The following ADAM22 variants were observed in gnomAD, a reference collection of about 807,000 sequenced individuals.
ADAM22 encodes the protein disintegrin and metalloproteinase domain-containing protein 22.
ADAM22 carries 65 observed loss-of-function variants against 144.6 expected under a neutral mutation model. The observed-to-expected ratio is 0.45, with a 90% CI of 0.37 to 0.55. The LOEUF (loss-of-function observed/expected upper bound fraction) is 0.55, where lower values mean the gene tolerates loss of function less well. ADAM22 is among the 20% of genes least tolerant of loss of function. ADAM22 has a pLI of 0.00. For synonymous variants in ADAM22, 391 were observed against 412.6 expected, an observed-to-expected ratio of 0.95 and a Z score of 0.63; for missense variants, 974 against 1,184.9, an observed-to-expected ratio of 0.82 and a Z score of 2.61.
At chr7:88,054,355 T>C (rs959373513) in intron 3 of ADAM22, among the ~76,000 whole-genome samples, 1 of 152,142 alleles carries the variant, frequency 6.6e-6, no homozygotes, top group Non-Finnish European at 1.5e-5. Context: ...GGCTTCCCCG[T>C]AGGGCCCTGA....
intron 14 of ADAM22, among the ~76,000 whole-genome samples, chr7:88,139,973 C>T (rs1196154304): frequency 6.6e-6 from 1 of 152,132 alleles, no homozygotes; most frequent in East Asian, 1.9e-4. Flanking sequence ...GTTCTGCAGG[C>T]TGTACAAGCA....
chr7:88,095,742 C>T (rs1052642192), intron 4 of ADAM22, among the ~76,000 whole-genome samples: 2 of 152,124 alleles, frequency 1.3e-5, no homozygotes, highest in Non-Finnish European at 2.9e-5. Flanking sequence ...CAACAGACAT[C>T]CACGTGTAGA....
At position 88,149,046 on chromosome 7, in the gene ADAM22, A is replaced by C. The variant is rs1379297769; in HGVS notation, c.1555A>C (p.Asn519His). The C allele has an allele frequency of 6.2e-7, 1 of 1,611,984 alleles. No individual in the cohort carries two copies. The highest frequency in any genetic ancestry group is 8.5e-7 in the Non-Finnish European group (1 of 1,178,566). The part of the protein sequence containing the change: ...DCDIRETCSG[N>H]SSQCAPNIHK... Reference sequence around the variant, plus strand: ...TGATATTCGTGAAACGTGCTCAGGAAATTCAAGCCAGGTAATTTACAAAAT... The same window carrying C: ...TGATATTCGTGAAACGTGCTCAGGACATTCAAGCCAGGTAATTTACAAAAT... Residue 519 changes from asparagine to histidine, a missense_variant, in exon 18 of 32, where the codon AAT becomes CAT. By Grantham distance (68) the Asn-to-His change is moderately conservative (BLOSUM62 1). Coordinates refer to ENST00000413139, the MANE Select transcript of ADAM22 (RefSeq NM_001324418.2).
intron 2 of ADAM22, among the ~76,000 whole-genome samples, chr7:87,971,203 G>C (rs1052707941): frequency 1.3e-5 from 2 of 152,018 alleles, no homozygotes; most frequent in East Asian, 3.8e-4. Flanking sequence ...TGTTTTTTAT[G>C]TTTTGATTTT....
At chr7:88,164,221 A>G (rs909524007) in intron 23 of ADAM22, among the ~76,000 whole-genome samples, 4 of 152,118 alleles carry the variant, frequency 2.6e-5, no homozygotes, top group East Asian at 1.9e-4. Context: ...TTGATCATCC[A>G]TGCTAATGAA....
rs750214670 is a variant in ADAM22, at chr7:88,132,895, G to A, written c.1021G>A (p.Gly341Arg). The A allele has an allele frequency of 5.6e-6, 9 of 1,613,780 alleles. No homozygotes were observed. The highest frequency in any genetic ancestry group is 2.7e-5 in the African/African-American group (2 of 74,884). ...SGSQFESSRS[G>R]AAYIGGICSL... ...AAGTCAATTTGAGAGTAGCCGGAGC[G>A]GGGCAGCTTATATTGGTGGGATTTG... Residue 341 changes from glycine to arginine, a missense_variant, in exon 12 of 32, where the codon GGG becomes AGG. By Grantham distance (125) the Gly-to-Arg change is moderately radical. Coordinates refer to ENST00000413139, the MANE Select transcript of ADAM22 (RefSeq NM_001324418.2).
chr7:88,025,578 T>C (rs1053283099), intron 3 of ADAM22, among the ~76,000 whole-genome samples: 2 of 152,230 alleles, frequency 1.3e-5, no homozygotes, highest in Non-Finnish European at 2.9e-5. Flanking sequence ...GTTTCATTCC[T>C]CTATATGGAT....
chr7:88,152,781 C>T (rs965109855), intron 20 of ADAM22, among the ~76,000 whole-genome samples: 3 of 151,918 alleles, frequency 2.0e-5, no homozygotes, highest in Non-Finnish European at 2.9e-5. Flanking sequence ...CGGGTTCAAG[C>T]GATTTCCCTG....
chr7:88,186,810 G>A, intron 30 of ADAM22, 109 bp downstream of exon 30: 2 of 674,528 alleles, frequency 3.0e-6, no homozygotes, highest in Non-Finnish European at 2.5e-6. Context: ...GTTCCTATAG[G>A]TGGAAAGGGG....
intron 27 of ADAM22, among the ~76,000 whole-genome samples, chr7:88,179,855 A>ATATTTTTAAATAAAT (rs1846551890): frequency 6.6e-6 from 1 of 152,096 alleles, no homozygotes; most frequent in Non-Finnish European, 1.5e-5. Context: ...TTCTTGTGGG[A>ATATTTTTAAATAAAT]GAATTTATTT....
chr7:88,055,562 C>A (rs920678690), intron 3 of ADAM22, among the ~76,000 whole-genome samples: 3 of 152,048 alleles, frequency 2.0e-5, no homozygotes, highest in Non-Finnish European at 4.4e-5. Flanking sequence ...TCACATTGAT[C>A]TGGGGCAGAG....
At chr7:87,982,972 T>C (rs903320789) in intron 3 of ADAM22, among the ~76,000 whole-genome samples, 1 of 151,860 alleles carries the variant, frequency 6.6e-6, no homozygotes, top group Non-Finnish European at 1.5e-5. Context: ...ATTACAAGTA[T>C]GAGCCACCAT....
chr7:88,134,105 C>T (rs556122719), intron 12 of ADAM22, among the ~76,000 whole-genome samples: 1 of 152,238 alleles, frequency 6.6e-6, no homozygotes, highest in South Asian at 2.1e-4. Context: ...GTGATTATTT[C>T]CTGACTTCTA....
chr7:88,098,095 T>C (rs929924384), intron 4 of ADAM22, among the ~76,000 whole-genome samples: 2 of 152,210 alleles, frequency 1.3e-5, no homozygotes, highest in Non-Finnish European at 2.9e-5. Context: ...GGGTGTCTAA[T>C]GATTACTTGA....
Position 88,181,577 on chromosome 7 carries a change from T to C in ADAM22, c.2568T>C (p.Asn856=). Residue 856 remains asparagine (N), a synonymous_variant, in exon 28 of 32, where the codon AAT becomes AAC. Coordinates refer to ENST00000413139, the MANE Select transcript of ADAM22 (RefSeq NM_001324418.2). The part of the protein sequence containing the change: ...DTKHISDICE[N]GRPRSNSWQG... ...AACATATTTCAGACATCTGTGAAAATGGGCGACCTCGAAGTAACTCTTGGC... is the reference window on the plus strand; with the variant it reads ...AACATATTTCAGACATCTGTGAAAACGGGCGACCTCGAAGTAACTCTTGGC... 6.2e-7 allele frequency: 1 copy of C among 1,613,808 alleles called. No individual in the cohort carries two copies. Among genetic ancestry groups the C allele is most frequent in the Non-Finnish European group, 8.5e-7 (1 of 1,179,778 alleles).
chr7:88,107,201 T>C (rs1428921576), intron 4 of ADAM22, among the ~76,000 whole-genome samples: 1 of 136,394 alleles, frequency 7.3e-6, no homozygotes, highest in East Asian at 2.0e-4. Flanking sequence ...TGAATTTCTT[T>C]TTTTTTTTTT....
intron 24 of ADAM22, 73 bp from the exon 25 acceptor site, chr7:88,168,064 C>T: frequency 1.5e-6 from 2 of 1,308,372 alleles, no homozygotes; most frequent in Non-Finnish European, 2.2e-6. Flanking sequence ...GTGATGATTA[C>T]AAAACTGAAC....
At chr7:88,104,774 T>C in intron 4 of ADAM22, among the ~76,000 whole-genome samples, 1 of 151,912 alleles carries the variant, frequency 6.6e-6, no homozygotes, top group African/African-American at 2.4e-5. Flanking sequence ...CCTCAAGATT[T>C]GAATTGTAGT....
intron 15 of ADAM22, among the ~76,000 whole-genome samples, chr7:88,144,442 G>C (rs1292173213): frequency 6.6e-6 from 1 of 151,948 alleles, no homozygotes. Flanking sequence ...TCAATCTCTG[G>C]GGAAAATTTA....
Sources: allele counts gnomAD v4.1 joint callset (sites outside exome capture counted in the v4.1 genomes callset), GRCh38; gene constraint gnomAD v4.1.1; transcripts MANE v1.5; gene names NCBI Gene and HGNC (gene_info 2026-07-23, HGNC 2026-07-21).